Variants in NR3C2 observed in about 807,000 individuals in gnomAD.
The protein encoded by NR3C2 is nuclear receptor subfamily 3 group C member 2.
A neutral mutation model predicts 86.4 loss-of-function variants in NR3C2; 15 were observed. The observed-to-expected ratio is 0.17, with a 90% CI of 0.12 to 0.27. NR3C2 has a LOEUF of 0.27. Ranked by LOEUF, NR3C2 falls within the 10% of genes least tolerant of loss-of-function variation. NR3C2 has a pLI of 1.00. For missense variants in NR3C2, 960 were observed against 1,195.6 expected, an observed-to-expected ratio of 0.80 and a Z score of 2.91; for synonymous variants, 458 against 450.5, an observed-to-expected ratio of 1.02 and a Z score of -0.21.
intron 3 of NR3C2, among the ~76,000 whole-genome samples, chr4:148,221,851 ACCAT>A (rs1242050255): frequency 2.0e-5 from 3 of 147,530 alleles, no homozygotes; most frequent in Admixed American, 6.9e-5. Context: ...CCAAGATCTC[ACCAT>A]TGCACTCCAG....
intron 2 of NR3C2, among the ~76,000 whole-genome samples, chr4:148,354,753 T>C (rs549991010): frequency 6.6e-6 from 1 of 152,238 alleles, no homozygotes; most frequent in African/African-American, 2.4e-5. Flanking sequence ...GAAACAAATT[T>C]CATGAAATTA....
chr4:148,361,987 A>G (rs1745861851), intron 2 of NR3C2, among the ~76,000 whole-genome samples: 1 of 152,058 alleles, frequency 6.6e-6, no homozygotes, highest in African/African-American at 2.4e-5. Flanking sequence ...ACAGGTGCAC[A>G]CCACCATGCC....
At chr4:148,367,237 T>C (rs185934344) in intron 2 of NR3C2, among the ~76,000 whole-genome samples, 57 of 152,306 alleles carry the variant, frequency 3.7e-4, no homozygotes, top group African/African-American at 1.2e-3. Context: ...TTTCAAAAGC[T>C]GCCCCAAAAT....
chr4:148,105,820 T>C (rs1469515206), intron 8 of NR3C2, among the ~76,000 whole-genome samples: 1 of 152,160 alleles, frequency 6.6e-6, no homozygotes, highest in Non-Finnish European at 1.5e-5. Context: ...TTCGATAAAA[T>C]TCAACATCCC....
At chr4:148,357,167 T>G (rs1745588784) in intron 2 of NR3C2, among the ~76,000 whole-genome samples, 1 of 152,152 alleles carries the variant, frequency 6.6e-6, no homozygotes, top group Non-Finnish European at 1.5e-5. Flanking sequence ...CTGGCACATG[T>G]GGAGGAAAAT....
At chr4:148,108,002 TTAAAG>T (rs1346889844) in intron 8 of NR3C2, among the ~76,000 whole-genome samples, 6 of 152,206 alleles carry the variant, frequency 3.9e-5, no homozygotes, top group Admixed American at 1.3e-4. Flanking sequence ...ATCCCAGAAC[TTAAAG>T]TAAAATAAAA....
At chr4:148,270,815 A>G (rs949464279) in intron 2 of NR3C2, among the ~76,000 whole-genome samples, 1 of 152,166 alleles carries the variant, frequency 6.6e-6, no homozygotes, top group African/African-American at 2.4e-5. Context: ...GGACTGATGA[A>G]TCATTGCTGT....
intron 2 of NR3C2, among the ~76,000 whole-genome samples, chr4:148,305,785 C>T (rs1742585734): frequency 6.6e-6 from 1 of 152,182 alleles, no homozygotes; most frequent in Non-Finnish European, 1.5e-5. Context: ...AGAAACACTG[C>T]TACTATTAAA....
chr4:148,295,652 C>G (rs1365117743), intron 2 of NR3C2, among the ~76,000 whole-genome samples: 2 of 151,430 alleles, frequency 1.3e-5, no homozygotes, highest in South Asian at 2.1e-4. Flanking sequence ...CTCATGCTTT[C>G]TCATACTCTC....
At chr4:148,137,440 C>T (rs1356260963) in intron 6 of NR3C2, among the ~76,000 whole-genome samples, 2 of 152,202 alleles carry the variant, frequency 1.3e-5, no homozygotes, top group East Asian at 1.9e-4. Context: ...ATGATTCATA[C>T]AAAAGCATCA....
intron 2 of NR3C2, among the ~76,000 whole-genome samples, chr4:148,315,651 G>T (rs550414787): frequency 6.6e-6 from 1 of 152,114 alleles, no homozygotes; most frequent in Non-Finnish European, 1.5e-5. Context: ...AGAATAAAAC[G>T]CTGTTTGGCT....
chr4:148,408,832 A>T (rs913925069), intron 2 of NR3C2, among the ~76,000 whole-genome samples: 5 of 152,156 alleles, frequency 3.3e-5, no homozygotes, highest in African/African-American at 1.2e-4. Flanking sequence ...CATATATAAG[A>T]AGTACTGAGA....
intron 2 of NR3C2, among the ~76,000 whole-genome samples, chr4:148,421,042 C>T (rs1749256821): frequency 6.6e-6 from 1 of 152,184 alleles, no homozygotes; most frequent in South Asian, 2.1e-4. Flanking sequence ...CTAATACACC[C>T]AGGACTAGGC....
At chr4:148,107,289 C>T (rs948250528) in intron 8 of NR3C2, among the ~76,000 whole-genome samples, 5 of 152,122 alleles carry the variant, frequency 3.3e-5, no homozygotes, top group South Asian at 2.1e-4. Context: ...ATAAAAACCA[C>T]GATGAGATAC....
chr4:148,324,367 T>TGTGTGTGTG (rs1561043273), intron 2 of NR3C2, among the ~76,000 whole-genome samples: 10 of 70,494 alleles, frequency 1.4e-4, no homozygotes, highest in African/African-American at 4.8e-4. Flanking sequence ...GTGTGTGTGT[T>TGTGTGTGTG]TGTGTGTGTG....
chr4:148,236,915 TATC>T (rs1738776196), intron 3 of NR3C2, among the ~76,000 whole-genome samples: 1 of 152,222 alleles, frequency 6.6e-6, no homozygotes, highest in East Asian at 1.9e-4. Flanking sequence ...CTTAAGGGGC[TATC>T]ATCAATTCTT....
At chr4:148,239,239 C>T (rs545911712) in intron 3 of NR3C2, among the ~76,000 whole-genome samples, 3 of 152,204 alleles carry the variant, frequency 2.0e-5, no homozygotes, top group Non-Finnish European at 4.4e-5. Context: ...CCTCACTGCA[C>T]AGTGATTCTA....
chr4:148,246,749 C>T (rs1166890118), intron 3 of NR3C2, among the ~76,000 whole-genome samples: 1 of 152,056 alleles, frequency 6.6e-6, no homozygotes, highest in East Asian at 1.9e-4. Flanking sequence ...GACAGGGTTT[C>T]ACCATGTTGG....
chr4:148,210,379 T>C lies in NR3C2; in HGVS notation c.1898-15517A>G, dbSNP rs377185386. On this transcript the variant is annotated intron_variant, in intron 3 of 8. Transcript: ENST00000358102. ...CTAATTTTTTGTGTTTTAGCAGAGA[T>C]GAGATTTCACTGTGTCACCTGGGCT... Among the ~76,000 whole-genome samples the C allele has an allele frequency of 1.6e-4, 24 of 151,672 alleles. No homozygotes were observed. The South Asian group carries it at 3.1e-3, about 20-fold the overall frequency.
Sources: allele counts gnomAD v4.1 joint callset (sites outside exome capture counted in the v4.1 genomes callset), GRCh38; gene constraint gnomAD v4.1.1; transcripts MANE v1.5; gene names NCBI Gene and HGNC (gene_info 2026-07-23, HGNC 2026-07-21).